Variants in SAMD3 observed in about 807,000 individuals in gnomAD.
SAMD3 encodes sterile alpha motif domain-containing protein 3.
SAMD3 carries 63 observed loss-of-function variants against 58.5 expected under a neutral mutation model. The ratio of observed to expected loss-of-function variants is 1.08; its 90% CI spans 0.88 to 1.33. The LOEUF is 1.33. SAMD3 is among the 40% of genes most tolerant of loss of function. The pLI, the probability that SAMD3 is intolerant of heterozygous loss-of-function variation, is 0.00. For synonymous variants in SAMD3, 220 were observed against 210.3 expected, an observed-to-expected ratio of 1.05 and a Z score of -0.40; for missense variants, 604 against 608.4, an observed-to-expected ratio of 0.99 and a Z score of 0.08.
At chr6:130,344,924 C>T (rs775282626) in intron 1 of SAMD3, among the ~76,000 whole-genome samples, 1 of 151,334 alleles carries the variant, frequency 6.6e-6, no homozygotes, top group Non-Finnish European at 1.5e-5. Flanking sequence ...ACCTGCCCCC[C>T]TATGCCCACC....
chr6:130,360,896 C>T (rs1009711857), intron 1 of SAMD3, among the ~76,000 whole-genome samples: 2 of 152,142 alleles, frequency 1.3e-5, no homozygotes, highest in African/African-American at 4.8e-5. Flanking sequence ...AATATTTCTC[C>T]CATTTGCTTT....
chr6:130,290,153 A>G (rs1583056916), intron 2 of SAMD3, among the ~76,000 whole-genome samples: 1 of 139,674 alleles, frequency 7.2e-6, no homozygotes, highest in South Asian at 2.4e-4. Flanking sequence ...AGCAAAACCA[A>G]TATGGGGTGT....
chr6:130,297,356 C>T (rs1775604892), intron 2 of SAMD3, among the ~76,000 whole-genome samples: 2 of 151,976 alleles, frequency 1.3e-5, no homozygotes, highest in Non-Finnish European at 2.9e-5. Flanking sequence ...GTCAGGCCCT[C>T]AAGAGAAAAA....
At chr6:130,319,980 A>G (rs1294576492) in intron 1 of SAMD3, among the ~76,000 whole-genome samples, 1 of 151,980 alleles carries the variant, frequency 6.6e-6, no homozygotes, top group Non-Finnish European at 1.5e-5. Context: ...TTGCAAAGAG[A>G]AAAAAATAAA....
intron 5 of SAMD3, among the ~76,000 whole-genome samples, chr6:130,208,614 A>C (rs1203286938): frequency 2.0e-5 from 3 of 152,166 alleles, no homozygotes; most frequent in African/African-American, 7.2e-5. Flanking sequence ...TCCTTATGAG[A>C]ATCTAATGCC....
intron 2 of SAMD3, among the ~76,000 whole-genome samples, chr6:130,258,671 T>C (rs913000259): frequency 1.3e-5 from 2 of 152,174 alleles, no homozygotes; most frequent in African/African-American, 4.8e-5. Context: ...CTCACCTCCT[T>C]ATCACCCAGC....
chr6:130,323,954 A>G (rs930406364), intron 1 of SAMD3, among the ~76,000 whole-genome samples: 16 of 152,210 alleles, frequency 1.1e-4, no homozygotes, highest in African/African-American at 3.1e-4. Flanking sequence ...CAATGAATGA[A>G]TAAATAAATG....
chr6:130,337,088 C>T (rs577135962), intron 1 of SAMD3, among the ~76,000 whole-genome samples: 7 of 152,166 alleles, frequency 4.6e-5, no homozygotes, highest in Non-Finnish European at 8.8e-5. Flanking sequence ...TATGGGCTGG[C>T]TCTGTGTCCC....
At chr6:130,349,383 A>C (rs1390743202) in intron 1 of SAMD3, among the ~76,000 whole-genome samples, 1 of 152,252 alleles carries the variant, frequency 6.6e-6, no homozygotes, top group African/African-American at 2.4e-5. Flanking sequence ...ACAATAAAAA[A>C]TGATAAAGGG....
At chr6:130,363,584 G>A (rs1023795858) in intron 1 of SAMD3, among the ~76,000 whole-genome samples, 2 of 152,112 alleles carry the variant, frequency 1.3e-5, no homozygotes, top group African/African-American at 2.4e-5. Context: ...TGACTTGTAG[G>A]AAGAATATTA....
At chr6:130,248,285 A>G (rs1361397446) in intron 2 of SAMD3, among the ~76,000 whole-genome samples, 1 of 151,910 alleles carries the variant, frequency 6.6e-6, no homozygotes, top group African/African-American at 2.4e-5. Flanking sequence ...GCATTTCAAC[A>G]TTGTTCAAAC....
At chr6:130,311,740 AG>A (rs11296040) in intron 2 of SAMD3, among the ~76,000 whole-genome samples, 6,059 of 146,942 alleles carry the variant, frequency 0.041, 397 homozygotes, top group African/African-American at 0.14. Flanking sequence ...TGTTGAGGAG[AG>A]GGGAAAAAAG....
At chr6:130,210,761 C>T (rs796534161) in intron 4 of SAMD3, among the ~76,000 whole-genome samples, 15 of 152,220 alleles carry the variant, frequency 9.9e-5, no homozygotes, top group African/African-American at 3.6e-4. Context: ...ATTATACCCT[C>T]CTCCCTTTTA....
At chr6:130,180,264 G>A (rs1408532214) in intron 7 of SAMD3, among the ~76,000 whole-genome samples, 1 of 145,404 alleles carries the variant, frequency 6.9e-6, no homozygotes, top group Non-Finnish European at 1.5e-5. Flanking sequence ...GAGACTACAG[G>A]CTCATGCCAC....
chr6:130,172,553 T>C (rs897415164), intron 8 of SAMD3, among the ~76,000 whole-genome samples: 3 of 152,234 alleles, frequency 2.0e-5, no homozygotes, highest in African/African-American at 7.2e-5. Context: ...TTCTGGCTTG[T>C]AGGGTTTCTG....
chr6:130,359,618 G>C (rs989108462), intron 1 of SAMD3, among the ~76,000 whole-genome samples: 2 of 152,130 alleles, frequency 1.3e-5, no homozygotes, highest in Non-Finnish European at 2.9e-5. Flanking sequence ...TCATACTGCA[G>C]CTATGTGCTT....
intron 9 of SAMD3, among the ~76,000 whole-genome samples, chr6:130,151,473 C>T (rs1789178636): frequency 6.6e-6 from 1 of 152,008 alleles, no homozygotes; most frequent in Non-Finnish European, 1.5e-5. Context: ...CGGAGTTTCA[C>T]TCTTGTTGCC....
intron 2 of SAMD3, 40 bp downstream of exon 2, chr6:130,216,531 C>T (rs1412431276): frequency 6.6e-6 from 1 of 152,166 alleles, no homozygotes; most frequent in African/African-American, 2.4e-5. Flanking sequence ...CAATTACCAA[C>T]ATCATAGTTA....
intron 5 of SAMD3, among the ~76,000 whole-genome samples, chr6:130,205,024 C>T (rs1794960396): frequency 1.3e-5 from 2 of 152,012 alleles, no homozygotes; most frequent in Non-Finnish European, 2.9e-5. Flanking sequence ...ACTCCAAAAG[C>T]TGGCACTTGT....
Sources: gnomAD v4.1 joint callset for allele counts (sites outside exome capture counted in the v4.1 genomes callset) on GRCh38, gnomAD v4.1.1 for gene constraint, MANE v1.5 for transcripts, NCBI Gene and HGNC (gene_info 2026-07-23, HGNC 2026-07-21) for gene names.